DLC1: variants seen among roughly 807,000 people sequenced by gnomAD.
The protein encoded by DLC1 is rho GTPase-activating protein 7.
In DLC1, 54 loss-of-function variants were observed where a neutral mutation model predicts 140.3. That is an observed-to-expected ratio of 0.38 (90% CI 0.31 to 0.48). The LOEUF is 0.48. Ranked by LOEUF, DLC1 falls within the 20% of genes least tolerant of loss-of-function variation. DLC1 has a pLI of 0.96. For synonymous variants in DLC1, 986 were observed against 728.1 expected, an observed-to-expected ratio of 1.35 and a Z score of -5.70; for missense variants, 2,536 against 1,907.0, an observed-to-expected ratio of 1.33 and a Z score of -6.14.
At chr8:13,545,487 C>A (rs1439241004) in intron 1 of DLC1, among the ~76,000 whole-genome samples, 1 of 152,008 alleles carries the variant, frequency 6.6e-6, no homozygotes, top group Non-Finnish European at 1.5e-5. Flanking sequence ...GTAGCTTTTT[C>A]CATGTCCAAA....
intron 5 of DLC1, among the ~76,000 whole-genome samples, chr8:13,258,622 A>G (rs1402631469): frequency 6.6e-6 from 1 of 152,140 alleles, no homozygotes; most frequent in Non-Finnish European, 1.5e-5. Flanking sequence ...TCTCTTTTGT[A>G]ATTGCGGAAG....
chr8:13,310,077 C>T (rs1276101961), intron 4 of DLC1, among the ~76,000 whole-genome samples: 1 of 152,110 alleles, frequency 6.6e-6, no homozygotes, highest in Non-Finnish European at 1.5e-5. Context: ...TTAAGAAGGA[C>T]CTTATAGGCC....
chr8:13,508,713 C>T (rs556273886), intron 1 of DLC1, among the ~76,000 whole-genome samples: 156 of 152,232 alleles, frequency 1.0e-3, no homozygotes, highest in African/African-American at 3.7e-3. Context: ...CCACCACGCC[C>T]GGCCAGATGT....
Position 13,215,985 on chromosome 8 carries a change from A to G in DLC1, c.1348+89284T>C, listed in dbSNP as rs193267536. ...TTACCCACTCATGGTGTTTCCCCAG[A>G]AAAGTTTCCTAGGTGATTTTTCTAA... On this transcript the variant is annotated intron_variant, in intron 5 of 17. Transcript: ENST00000276297. Among the ~76,000 whole-genome samples, 3 of 152,222 alleles carry G rather than the reference A, an allele frequency of 2.0e-5. No homozygotes were observed. In the East Asian group the frequency reaches 5.8e-4, roughly 30 times the overall value.
intron 2 of DLC1, among the ~76,000 whole-genome samples, chr8:13,421,988 A>G (rs1838340754): frequency 6.6e-6 from 1 of 152,118 alleles, no homozygotes; most frequent in Admixed American, 6.6e-5. Context: ...CTAATATTCG[A>G]GTCTTCTGTG....
chr8:13,396,150 C>G (rs1429293096), intron 3 of DLC1, among the ~76,000 whole-genome samples: 3 of 149,798 alleles, frequency 2.0e-5, no homozygotes, highest in African/African-American at 4.9e-5. Flanking sequence ...AGCTCCGCCT[C>G]CTGGGTTCAC....
At chr8:13,467,857 A>G (rs1800011229) in intron 2 of DLC1, among the ~76,000 whole-genome samples, 1 of 152,176 alleles carries the variant, frequency 6.6e-6, no homozygotes, top group East Asian at 1.9e-4. Context: ...AAAATAACAT[A>G]TATAGATTTT....
chr8:13,219,143 TA>T (rs1828401219), intron 5 of DLC1, among the ~76,000 whole-genome samples: 1 of 113,028 alleles, frequency 8.8e-6, no homozygotes, highest in Non-Finnish European at 1.7e-5. Context: ...TATGTGAATA[TA>T]ATTATATAAT....
chr8:13,450,232 A>G (rs1798976982), intron 2 of DLC1, among the ~76,000 whole-genome samples: 1 of 151,970 alleles, frequency 6.6e-6, no homozygotes, highest in Non-Finnish European at 1.5e-5. Context: ...AGGCAGGTGG[A>G]TCACCTGAGG....
intron 7 of DLC1, among the ~76,000 whole-genome samples, chr8:13,105,102 C>CCA (rs34949854): frequency 0.37 from 55,554 of 151,954 alleles, 12,314 homozygotes; most frequent in South Asian, 0.5. Context: ...AATTTACTAG[C>CCA]CAGAGGCCTA....
At chr8:13,139,075 G>A (rs915972640) in intron 5 of DLC1, among the ~76,000 whole-genome samples, 2 of 151,780 alleles carry the variant, frequency 1.3e-5, no homozygotes, top group Admixed American at 6.6e-5. Flanking sequence ...ACAAGCCCAC[G>A]AGTTTGAGAC....
intron 5 of DLC1, among the ~76,000 whole-genome samples, chr8:13,227,669 CT>C (rs1828860334): frequency 6.6e-6 from 1 of 152,170 alleles, no homozygotes; most frequent in South Asian, 2.1e-4. Flanking sequence ...ATTAATGCAT[CT>C]TTTCAGGGGG....
At chr8:13,543,979 C>A (rs1051565650) in intron 1 of DLC1, among the ~76,000 whole-genome samples, 2 of 150,892 alleles carry the variant, frequency 1.3e-5, no homozygotes, top group African/African-American at 4.9e-5. Context: ...CCAGTTGTAC[C>A]CCAAAAGCTA....
chr8:13,594,236 C>G (rs936906699), intron 1 of DLC1, among the ~76,000 whole-genome samples: 2 of 152,050 alleles, frequency 1.3e-5, no homozygotes, highest in African/African-American at 4.8e-5. Context: ...ATAAGACTGT[C>G]TGATTCCAAC....
chr8:13,395,089 T>A (rs1836972161), intron 3 of DLC1, among the ~76,000 whole-genome samples: 1 of 150,978 alleles, frequency 6.6e-6, no homozygotes, highest in Non-Finnish European at 1.5e-5. Flanking sequence ...TTGTCTACCT[T>A]CCTATCCATC....
chr8:13,090,210 G>T, intron 15 of DLC1, 42 bp downstream of exon 15: 1 of 1,578,406 alleles, frequency 6.3e-7, no homozygotes, highest in South Asian at 1.2e-5. Context: ...CCCAAGCTTC[G>T]ACTCCTGGAC....
intron 5 of DLC1, among the ~76,000 whole-genome samples, chr8:13,153,734 G>T (rs1824019595): frequency 6.6e-6 from 1 of 151,306 alleles, no homozygotes; most frequent in African/African-American, 2.4e-5. Flanking sequence ...TAGACACAAG[G>T]CACTGATTGG....
At chr8:13,449,410 G>C (rs1280474150) in intron 2 of DLC1, among the ~76,000 whole-genome samples, 1 of 152,118 alleles carries the variant, frequency 6.6e-6, no homozygotes, top group Non-Finnish European at 1.5e-5. Context: ...AGGAGATTGT[G>C]TTATGTTTGT....
At chr8:13,121,031 C>G (rs141533437) in intron 5 of DLC1, among the ~76,000 whole-genome samples, 1 of 152,174 alleles carries the variant, frequency 6.6e-6, no homozygotes, top group Non-Finnish European at 1.5e-5. Flanking sequence ...TGGATTTCCT[C>G]TCTTCTGTGA....
Sources: gnomAD v4.1 joint callset for allele counts (sites outside exome capture counted in the v4.1 genomes callset) on GRCh38, gnomAD v4.1.1 for gene constraint, MANE v1.5 for transcripts, NCBI Gene and HGNC (gene_info 2026-07-23, HGNC 2026-07-21) for gene names.